GALNT7: variants seen among roughly 807,000 people sequenced by gnomAD.
GALNT7 encodes the protein polypeptide N-acetylgalactosaminyltransferase 7.
In GALNT7, 60 loss-of-function variants were observed where a neutral mutation model predicts 82.1. The ratio of observed to expected loss-of-function variants is 0.73; its 90% CI spans 0.59 to 0.91. GALNT7 has a LOEUF of 0.91. Ranked by LOEUF, GALNT7 falls within the 40% of genes least tolerant of loss-of-function variation. The pLI is 0.00. For missense variants in GALNT7, 660 were observed against 804.2 expected (o/e 0.82, Z 2.17); for synonymous variants, 243 against 275.1 (o/e 0.88, Z 1.15).
intron 1 of GALNT7, among the ~76,000 whole-genome samples, chr4:173,211,504 C>T (rs1451692245): frequency 6.6e-6 from 1 of 152,028 alleles, no homozygotes; most frequent in African/African-American, 2.4e-5. Flanking sequence ...GTCCTTTTTG[C>T]CTCATCATTT....
intron 11 of GALNT7, among the ~76,000 whole-genome samples, chr4:173,319,231 A>G (rs1737717316): frequency 6.6e-6 from 1 of 152,148 alleles, no homozygotes; most frequent in Non-Finnish European, 1.5e-5. Context: ...GCTAACATAA[A>G]TCAATTTATT....
intron 1 of GALNT7, among the ~76,000 whole-genome samples, chr4:173,213,506 A>G (rs1733348203): frequency 1.3e-5 from 2 of 152,180 alleles, no homozygotes; most frequent in African/African-American, 4.8e-5. Flanking sequence ...GCAATGAGAC[A>G]GTAGTGTTTA....
chr4:173,273,356 C>T (rs1326083442), intron 2 of GALNT7, among the ~76,000 whole-genome samples: 1 of 152,144 alleles, frequency 6.6e-6, no homozygotes, highest in Non-Finnish European at 1.5e-5. Context: ...TGGTACAATG[C>T]CATTGGTCTC....
At chr4:173,226,210 A>T (rs13123399) in intron 1 of GALNT7, among the ~76,000 whole-genome samples, 17,915 of 152,116 alleles carry the variant, frequency 0.12, 1,365 homozygotes, top group Non-Finnish European at 0.17. Context: ...CTTTTTCCCT[A>T]TTGGCTATTC....
intron 2 of GALNT7, among the ~76,000 whole-genome samples, chr4:173,268,680 ACCACCACGC>A (rs1735603469): frequency 6.7e-6 from 1 of 149,796 alleles, no homozygotes; most frequent in Admixed American, 6.6e-5. Context: ...ACAGGCGTCC[ACCACCACGC>A]CCAGCTAATT....
intron 1 of GALNT7, among the ~76,000 whole-genome samples, chr4:173,210,165 T>C (rs560155389): frequency 5.1e-4 from 78 of 152,100 alleles, no homozygotes; most frequent in African/African-American, 1.7e-3. Flanking sequence ...GAAATACTTA[T>C]TTAATTATGC....
rs141352762 is a variant in GALNT7, at chr4:173,176,284, C to T, written c.126+7323C>T. Among the ~76,000 whole-genome samples the T allele has an allele frequency of 4.0e-3, 615 of 152,084 alleles. 4 individuals carry two copies. Among genetic ancestry groups the T allele is most frequent in the South Asian group, 0.018 (87 of 4,800 alleles). On this transcript the variant is annotated intron_variant, in intron 1 of 11. Transcript: ENST00000265000. ...CTGGAGTATTTGAAGCCAGTATGGCCGGAGTTTGTTGAGTTTGGAGGTAGT... is the reference window on the plus strand; with the variant it reads ...CTGGAGTATTTGAAGCCAGTATGGCTGGAGTTTGTTGAGTTTGGAGGTAGT...
chr4:173,268,530 G>GT (rs60894562), intron 2 of GALNT7, among the ~76,000 whole-genome samples: 17,009 of 52,278 alleles, frequency 0.33, 7,539 homozygotes, highest in Non-Finnish European at 0.37. Flanking sequence ...TTTCTCTCTC[G>GT]TTTTTTTTTT....
At chr4:173,289,917 G>C (rs1233690722) in intron 2 of GALNT7, among the ~76,000 whole-genome samples, 1 of 152,088 alleles carries the variant, frequency 6.6e-6, no homozygotes. Context: ...TTCTGCCTCA[G>C]TTCTAGAGGG....
chr4:173,205,428 G>A (rs1182879371), intron 1 of GALNT7, among the ~76,000 whole-genome samples: 2 of 152,152 alleles, frequency 1.3e-5, no homozygotes, highest in African/African-American at 4.8e-5. Flanking sequence ...CTGCTGGGCT[G>A]GGCCTGGACC....
chr4:173,303,356 C>G (rs1446241009), intron 7 of GALNT7, among the ~76,000 whole-genome samples: 1 of 152,038 alleles, frequency 6.6e-6, no homozygotes, highest in African/African-American at 2.4e-5. Flanking sequence ...AAGGAACATT[C>G]AGAGAACAGC....
At chr4:173,182,900 G>T (rs533882031) in intron 1 of GALNT7, among the ~76,000 whole-genome samples, 1 of 140,248 alleles carries the variant, frequency 7.1e-6, no homozygotes, top group African/African-American at 2.8e-5. Flanking sequence ...ACCTTTGAAT[G>T]ATGAGGCTAG....
chr4:173,308,643 A>T (rs1737249194), intron 8 of GALNT7, among the ~76,000 whole-genome samples: 1 of 152,198 alleles, frequency 6.6e-6, no homozygotes, highest in Admixed American at 6.5e-5. Flanking sequence ...AGTGGCTCAC[A>T]CCTGTAATCC....
At chr4:173,311,797 C>T (rs761229040) in intron 8 of GALNT7, among the ~76,000 whole-genome samples, 12 of 152,134 alleles carry the variant, frequency 7.9e-5, no homozygotes, top group Non-Finnish European at 1.3e-4. Flanking sequence ...GTGGTAATAT[C>T]GTATGTTCTT....
chr4:173,214,414 G>T (rs1733377470), intron 1 of GALNT7, among the ~76,000 whole-genome samples: 1 of 152,156 alleles, frequency 6.6e-6, no homozygotes. Flanking sequence ...CACTCTGTAA[G>T]GTCATGGTAG....
intron 1 of GALNT7, among the ~76,000 whole-genome samples, chr4:173,199,192 TA>T (rs1732869051): frequency 6.6e-6 from 1 of 151,880 alleles, no homozygotes; most frequent in African/African-American, 2.4e-5. Flanking sequence ...ATTTAAAGAG[TA>T]GAGTAGTTCG....
chr4:173,291,939 A>G (rs1736551394), intron 2 of GALNT7, among the ~76,000 whole-genome samples, 169 bp from the exon 3 acceptor site: 3 of 152,210 alleles, frequency 2.0e-5, no homozygotes, highest in Non-Finnish European at 4.4e-5. Flanking sequence ...TTATCTCATA[A>G]CAGCTTCTCT....
Position 173,195,284 on chromosome 4 carries a change from C to T in GALNT7, c.126+26323C>T, listed in dbSNP as rs145613587. Among the ~76,000 whole-genome samples the T allele has an allele frequency of 2.4e-3, 361 of 152,228 alleles. 1 individual carries two copies. Among genetic ancestry groups the T allele is most frequent in the African/African-American group, 8.2e-3 (342 of 41,542 alleles). On this transcript the variant is annotated intron_variant, in intron 1 of 11. Transcript: ENST00000265000. ...TTATTTCTGAAAAAGTACCAAATGA[C>T]CTATAAACGCAGGAAGAACAGTCTT...
Position 173,186,889 on chromosome 4 carries a change from C to T in GALNT7, c.126+17928C>T, listed in dbSNP as rs149580496. Reference sequence around the variant, plus strand: ...CCCTGGGTCTCCTGCCTTACTCTCACGAGTAGCTGGCATTACAGGTGCATA... The same window carrying T: ...CCCTGGGTCTCCTGCCTTACTCTCATGAGTAGCTGGCATTACAGGTGCATA... On this transcript the variant is annotated intron_variant, in intron 1 of 11. Transcript: ENST00000265000. Among the ~76,000 whole-genome samples, 1,013 of 151,964 alleles carry T rather than the reference C, an allele frequency of 6.7e-3. 34 individuals are homozygous for T. The highest frequency in any genetic ancestry group is 0.055 in the Admixed American group (837 of 15,282).
Sources: gnomAD v4.1 joint callset for allele counts (sites outside exome capture counted in the v4.1 genomes callset) on GRCh38, gnomAD v4.1.1 for gene constraint, MANE v1.5 for transcripts, NCBI Gene and HGNC (gene_info 2026-07-23, HGNC 2026-07-21) for gene names.